Variants in IFT43 observed in about 807,000 individuals in gnomAD.
The protein encoded by IFT43 is intraflagellar transport protein 43 homolog.
A neutral mutation model predicts 32.3 loss-of-function variants in IFT43; 33 were observed. The ratio of observed to expected loss-of-function variants is 1.02; its 90% CI spans 0.77 to 1.37. The LOEUF is 1.37. Ranked by LOEUF, IFT43 falls within the 40% of genes most tolerant of loss-of-function variation. The pLI, the probability that IFT43 is intolerant of heterozygous loss-of-function variation, is 0.00. For missense variants in IFT43, 274 were observed against 265.9 expected (o/e 1.03, Z -0.21); for synonymous variants, 93 against 98.2 (o/e 0.95, Z 0.31).
intron 5 of IFT43, among the ~76,000 whole-genome samples, chr14:76,071,652 G>A (rs1254425448): frequency 6.6e-6 from 1 of 152,166 alleles, no homozygotes; most frequent in Non-Finnish European, 1.5e-5. Flanking sequence ...GGCACACATA[G>A]CCTCAAGATC....
At chr14:75,987,815 AATTTTGAAGT>A in intron 1 of IFT43, among the ~76,000 whole-genome samples, 1 of 152,322 alleles carries the variant, frequency 6.6e-6, no homozygotes, top group South Asian at 2.1e-4. Flanking sequence ...GATGGCCAAG[AATTTTGAAGT>A]GCTCTGATTT....
chr14:76,020,307 T>A (rs886536408), intron 2 of IFT43, among the ~76,000 whole-genome samples: 1 of 152,224 alleles, frequency 6.6e-6, no homozygotes, highest in Non-Finnish European at 1.5e-5. Context: ...CTCTCATACC[T>A]CACTGAGTTT....
At chr14:76,070,379 CAT>C (rs1271313842) in intron 5 of IFT43, among the ~76,000 whole-genome samples, 1 of 152,128 alleles carries the variant, frequency 6.6e-6, no homozygotes. Context: ...ACAGCTTTGT[CAT>C]AGAGAGAAAG....
At chr14:76,034,280 C>T (rs1048438656) in intron 3 of IFT43, among the ~76,000 whole-genome samples, 3 of 152,120 alleles carry the variant, frequency 2.0e-5, no homozygotes, top group Admixed American at 6.5e-5. Flanking sequence ...TTCCTAGTTA[C>T]GTCCTTAAGT....
chr14:76,071,318 A>G (rs1331060487), intron 5 of IFT43, among the ~76,000 whole-genome samples: 1 of 152,236 alleles, frequency 6.6e-6, no homozygotes, highest in East Asian at 1.9e-4. Flanking sequence ...GCCAGGCGTT[A>G]TGCCGACTGC....
At chr14:76,067,078 A>G (rs973634339) in intron 5 of IFT43, among the ~76,000 whole-genome samples, 11 of 152,182 alleles carry the variant, frequency 7.2e-5, no homozygotes, top group African/African-American at 2.4e-4. Context: ...TTCATAGACA[A>G]CTTTCAGGAG....
At chr14:76,054,173 G>A (rs922514272) in intron 3 of IFT43, among the ~76,000 whole-genome samples, 5 of 152,302 alleles carry the variant, frequency 3.3e-5, no homozygotes, top group Middle Eastern at 3.4e-3. Context: ...AGGGAGATTA[G>A]GAGTAAGCCC....
intron 2 of IFT43, among the ~76,000 whole-genome samples, chr14:76,008,676 G>A (rs1023193567): frequency 1.8e-4 from 28 of 152,042 alleles, no homozygotes; most frequent in Middle Eastern, 3.2e-3. Context: ...AAAATCACAT[G>A]TCCTCCTTGA....
chr14:75,994,252 G>C (rs1208226844), intron 2 of IFT43, among the ~76,000 whole-genome samples: 1 of 152,024 alleles, frequency 6.6e-6, no homozygotes, highest in South Asian at 2.1e-4. Context: ...GCCTCTTCTT[G>C]ATCTTTTCCT....
chr14:76,007,609 T>C (rs558134774), intron 2 of IFT43, among the ~76,000 whole-genome samples: 109 of 152,284 alleles, frequency 7.2e-4, no homozygotes, highest in African/African-American at 1.2e-3. Flanking sequence ...TCTTAGAGTG[T>C]TGGGAATTTA....
In IFT43 at chr14:76,025,849, G is replaced by A. The variant is rs531971270; in HGVS notation, c.215+3455G>A. On this transcript the variant is annotated intron_variant, in intron 3 of 8. Transcript: ENST00000314067. ...AAAACCCAAAAATATAAAAACTCTGGAAGACAACCTAGGCAATACCATTCT... is the reference window on the plus strand; with the variant it reads ...AAAACCCAAAAATATAAAAACTCTGAAAGACAACCTAGGCAATACCATTCT... Among the ~76,000 whole-genome samples the A allele has an allele frequency of 5.9e-5, 9 of 152,192 alleles. No individual in the cohort carries two copies. The South Asian group carries it at 1.7e-3, about 28-fold the overall frequency.
intron 5 of IFT43, among the ~76,000 whole-genome samples, chr14:76,064,993 T>A (rs1310427802): frequency 6.6e-6 from 1 of 152,214 alleles, no homozygotes; most frequent in Non-Finnish European, 1.5e-5. Context: ...GTCTGAGCAC[T>A]GAAGTTTACA....
At chr14:76,062,938 A>AAAAAAAAAAAAAG (rs1485146040) in intron 5 of IFT43, among the ~76,000 whole-genome samples, 10 of 120,830 alleles carry the variant, frequency 8.3e-5, no homozygotes, top group African/African-American at 2.0e-4. Flanking sequence ...AAAAAAAAAA[A>AAAAAAAAAAAAAG]AAAGAAAATA....
chr14:76,058,612 A>G, intron 3 of IFT43, 30 bp from the exon 4 acceptor site: 1 of 1,604,278 alleles, frequency 6.2e-7, no homozygotes, highest in Non-Finnish European at 8.5e-7. Context: ...TGGGCTCTCA[A>G]AAACCTTGTC....
At chr14:76,083,853 T>C (rs1185584234), downstream of IFT43, 1 of 585,690 alleles carries the variant, frequency 1.7e-6, no homozygotes, top group Non-Finnish European at 3.2e-6. Flanking sequence ...TTGCGGAGCA[T>C]GTGGGAGAGT....
At chr14:76,030,322 T>C (rs571260785) in intron 3 of IFT43, among the ~76,000 whole-genome samples, 4 of 152,320 alleles carry the variant, frequency 2.6e-5, no homozygotes, top group African/African-American at 9.6e-5. Context: ...CTTATGCTTT[T>C]GTGCTTTATT....
intron 5 of IFT43, among the ~76,000 whole-genome samples, chr14:76,079,479 A>G (rs978330725): frequency 2.6e-5 from 4 of 152,154 alleles, no homozygotes; most frequent in African/African-American, 9.7e-5. Context: ...TGAGGCATAG[A>G]GAGAAAAAGT....
chr14:76,017,753 T>C (rs1365975208), intron 2 of IFT43, among the ~76,000 whole-genome samples: 1 of 152,164 alleles, frequency 6.6e-6, no homozygotes, highest in East Asian at 1.9e-4. Flanking sequence ...GTTCAGGTTT[T>C]CTATTTCTTC....
intron 2 of IFT43, among the ~76,000 whole-genome samples, chr14:75,996,534 A>G (rs1475754308): frequency 6.6e-6 from 1 of 152,264 alleles, no homozygotes. Context: ...TTCATATTTC[A>G]TAGACTAACA....
Sources: gnomAD v4.1 joint callset for allele counts (sites outside exome capture counted in the v4.1 genomes callset) on GRCh38, gnomAD v4.1.1 for gene constraint, MANE v1.5 for transcripts, NCBI Gene and HGNC (gene_info 2026-07-23, HGNC 2026-07-21) for gene names.